MYOF: variants seen among roughly 807,000 people sequenced by gnomAD.
The protein encoded by MYOF is myoferlin, also known as fer-1-like 3, myoferlin.
Under a neutral mutation model 284.2 loss-of-function variants are expected in MYOF, and 244 were observed. That is an observed-to-expected ratio of 0.86 (90% CI 0.77 to 0.95). The LOEUF (loss-of-function observed/expected upper bound fraction) is 0.95, where lower values mean the gene tolerates loss of function less well. Among genes scored for constraint, MYOF ranks in the 40% least tolerant of loss-of-function variants. The pLI is 0.00. For synonymous variants in MYOF, 904 were observed against 919.7 expected, an observed-to-expected ratio of 0.98 and a Z score of 0.31; for missense variants, 2,496 against 2,560.6, an observed-to-expected ratio of 0.97 and a Z score of 0.54.
chr10:93,420,037 G>A (rs1848291772), intron 5 of MYOF, among the ~76,000 whole-genome samples: 1 of 152,174 alleles, frequency 6.6e-6, no homozygotes, highest in African/African-American at 2.4e-5. Flanking sequence ...GGAGGCTGAG[G>A]CAGGAGAATC....
At chr10:93,321,271 A>G (rs1052824100) in intron 48 of MYOF, among the ~76,000 whole-genome samples, 4 of 152,176 alleles carry the variant, frequency 2.6e-5, no homozygotes, top group Non-Finnish European at 4.4e-5. Context: ...AAAGAACCAC[A>G]GAGATTGCAA....
intron 1 of MYOF, among the ~76,000 whole-genome samples, chr10:93,475,141 T>C (rs539153365): frequency 1.3e-3 from 195 of 152,310 alleles, no homozygotes; most frequent in African/African-American, 4.6e-3. Context: ...TCAGGGCCTT[T>C]GTACCCTCAT....
At chr10:93,343,450 A>C (rs979276223) in intron 38 of MYOF, among the ~76,000 whole-genome samples, 3 of 152,218 alleles carry the variant, frequency 2.0e-5, no homozygotes, top group Non-Finnish European at 2.9e-5. Context: ...CAATGCTATA[A>C]ATTTGCTTCT....
At position 93,332,172 on chromosome 10, in the gene MYOF, C is replaced by T. The variant is rs564092851; in HGVS notation, c.4811+1049G>A. On this transcript the variant is annotated intron_variant, in intron 43 of 53. Coordinates refer to ENST00000359263, the MANE Select transcript of MYOF (RefSeq NM_013451.4). ...CATGGAGATGGAAATCAGACCGTGG[C>T]GTGCCACACAGACACTGGGGTCAGA... 1.3e-4 allele frequency among the ~76,000 whole-genome samples: 19 copies of T among 151,988 alleles called. No individual in the cohort carries two copies. In the South Asian group the frequency reaches 2.1e-3, roughly 17 times the overall value.
At position 93,335,945 on chromosome 10, in the gene MYOF, A is replaced by T; in HGVS notation, c.4539T>A (p.Asp1513Glu). 1.2e-6 allele frequency: 2 copies of T among 1,614,192 alleles called. No individual in the cohort carries two copies. The highest frequency in any genetic ancestry group is 1.7e-6 in the Non-Finnish European group (2 of 1,180,036). The part of the protein sequence containing the change: ...LYRGKSDENE[D>E]PSVVGEFKGS... ...CCTTAAACTCTCCAACCACAGAAGG[A>T]TCTTCATTTTCATCCGACTTGCCTC... The change falls in exon 41 of 54, where the codon GAT becomes GAA. Residue 1513 changes from aspartate (D) to glutamate (E), a missense_variant. Around this residue, in one of 3 missense-constraint regions of MYOF, gnomAD observed 2,436 missense variants for 2,480.7 expected, o/e 0.98. Transcript: ENST00000359263.
intron 5 of MYOF, among the ~76,000 whole-genome samples, chr10:93,423,873 T>G (rs1235710365): frequency 7.0e-6 from 1 of 143,426 alleles, no homozygotes; most frequent in Non-Finnish European, 1.5e-5. Context: ...AACAGACACA[T>G]AGAGAGGAAG....
chr10:93,392,082 C>T (rs701849), intron 17 of MYOF, among the ~76,000 whole-genome samples: 145,583 of 152,332 alleles, frequency 0.96, 69,917 homozygotes, highest in East Asian at 1. Context: ...TCTGCCAAGT[C>T]CACTGCAAAT....
chr10:93,443,937 T>C (rs1244877572), intron 3 of MYOF, among the ~76,000 whole-genome samples: 1 of 152,336 alleles, frequency 6.6e-6, no homozygotes, highest in East Asian at 1.9e-4. Flanking sequence ...GGCTTCTGCC[T>C]GGCTCCAGAA....
At chr10:93,329,882 C>T (rs1487357338) in intron 43 of MYOF, 48 bp from the exon 44 acceptor site, 2 of 1,595,422 alleles carry the variant, frequency 1.3e-6, no homozygotes, top group Non-Finnish European at 8.6e-7. Flanking sequence ...CATCTGAGTA[C>T]CTCACAAAAA....
At position 93,448,005 on chromosome 10, in the gene MYOF, G is replaced by A. The variant is rs1044207081; in HGVS notation, c.236+4045C>T. Among the ~76,000 whole-genome samples the A allele has an allele frequency of 2.0e-4, 31 of 152,086 alleles. 2 individuals are homozygous for A. The highest frequency in any genetic ancestry group is 6.0e-4 in the African/African-American group (25 of 41,406). On this transcript the variant is annotated intron_variant, in intron 3 of 53. Transcript: ENST00000359263. ...TTTAACGGATTCTCATTCCACTTAG[G>A]ATGAAATCCAAAGCCCGTGCCTTGG...
rs533446119 is a variant in MYOF at position 93,344,054 on chromosome 10, T to G, written c.4250-122A>C. Reference sequence around the variant, plus strand: ...GTAGAGTTTATTCTTGGATGGGACTTACAGAATAGAGAGGACAACTCCTGA... The same window carrying G: ...GTAGAGTTTATTCTTGGATGGGACTGACAGAATAGAGAGGACAACTCCTGA... On this transcript the variant is annotated intron_variant, in intron 37 of 53. Coordinates refer to ENST00000359263, the MANE Select transcript of MYOF (RefSeq NM_013451.4). The G allele has an allele frequency of 3.2e-5, 31 of 973,190 alleles. No homozygotes were observed. In the African/African-American group the frequency reaches 4.1e-4, roughly 13 times the overall value. 60.3% of individuals were successfully genotyped at this position (973,190 alleles called of 1,614,324 possible).
At chr10:93,405,839 C>A (rs1248377314) in intron 7 of MYOF, among the ~76,000 whole-genome samples, 1 of 146,594 alleles carries the variant, frequency 6.8e-6, no homozygotes, top group Non-Finnish European at 1.5e-5. Flanking sequence ...TCTCTGTTGC[C>A]CAGGCTGGAG....
At chr10:93,373,450 G>A (rs1845685450) in intron 23 of MYOF, among the ~76,000 whole-genome samples, 1 of 152,170 alleles carries the variant, frequency 6.6e-6, no homozygotes, top group African/African-American at 2.4e-5. Context: ...ATATTTTACA[G>A]GATAAAGAGT....
At chr10:93,396,516 C>A (rs1459267724) in intron 15 of MYOF, among the ~76,000 whole-genome samples, 8 of 152,176 alleles carry the variant, frequency 5.3e-5, no homozygotes, top group Non-Finnish European at 1.2e-4. Context: ...GTCCTCCAGT[C>A]ACCCTTTGGA....
intron 3 of MYOF, among the ~76,000 whole-genome samples, chr10:93,440,639 G>A (rs751739279): frequency 3.5e-4 from 54 of 152,272 alleles, no homozygotes; most frequent in Non-Finnish European, 7.3e-4. Flanking sequence ...CTGACACATA[G>A]TAGGCATTAG....
chr10:93,325,073 C>T (rs1314249405), intron 46 of MYOF, among the ~76,000 whole-genome samples: 2 of 152,172 alleles, frequency 1.3e-5, no homozygotes, highest in South Asian at 2.1e-4. Flanking sequence ...CCACCGCACC[C>T]GGCCTAGATT....
chr10:93,332,709 TG>T (rs1843379277), intron 43 of MYOF, among the ~76,000 whole-genome samples: 1 of 151,682 alleles, frequency 6.6e-6, no homozygotes, highest in African/African-American at 2.4e-5. Flanking sequence ...TAGCCGGGCG[TG>T]GTGGCAGTTG....
chr10:93,433,573 A>T (rs945783787), intron 3 of MYOF, among the ~76,000 whole-genome samples: 1 of 152,270 alleles, frequency 6.6e-6, no homozygotes, highest in Non-Finnish European at 1.5e-5. Flanking sequence ...CTAAACATTG[A>T]GTCCTTAAAG....
At chr10:93,342,084 C>T in intron 38 of MYOF, 1 of 607,170 alleles carries the variant, frequency 1.6e-6, no homozygotes, top group Non-Finnish European at 2.6e-6. Flanking sequence ...TGATAGTGCT[C>T]AGCCCATTTG....
Sources: gnomAD v4.1 joint callset for allele counts (sites outside exome capture counted in the v4.1 genomes callset) on GRCh38, gnomAD v4.1.1 for gene constraint, gnomAD v4.1.1 regional missense constraint, MANE v1.5 for transcripts, NCBI Gene and HGNC (gene_info 2026-07-23, HGNC 2026-07-21) for gene names.